C16orf46: variants seen among roughly 807,000 people sequenced by gnomAD.
C16orf46 encodes uncharacterized protein C16orf46.
C16orf46 carries 7 observed loss-of-function variants against 5.5 expected under a neutral mutation model. That is an observed-to-expected ratio of 1.28 (90% CI 0.73 to 2.40). The LOEUF (loss-of-function observed/expected upper bound fraction) is 2.40. Ranked by LOEUF, C16orf46 falls within the 30% of genes most tolerant of loss-of-function variation. C16orf46 has a pLI of 0.00. For synonymous variants in C16orf46, 200 were observed against 184.1 expected (o/e 1.09, Z -0.70); for missense variants, 614 against 476.0 (o/e 1.29, Z -2.70).
downstream of C16orf46, chr16:81,058,030 CAAACA>C (rs57856942): frequency 1.2e-3 from 202 of 173,524 alleles, 1 homozygote; most frequent in African/African-American, 1.8e-3. Flanking sequence ...AACTCCATCT[CAAACA>C]AAACAAAACA....
Position 81,066,315 on chromosome 16 carries a change from A to G in C16orf46, c.-127-34T>C, listed in dbSNP as rs1156341103. Reference sequence around the variant, plus strand: ...AAAGAAATTCAGTTAGTGGATAGGAAAGTTGTATTTTAAGTTTCCCTTCTC... The same window carrying G: ...AAAGAAATTCAGTTAGTGGATAGGAGAGTTGTATTTTAAGTTTCCCTTCTC... On this transcript the variant is annotated intron_variant, in intron 1 of 3. Transcript: ENST00000299578. The G allele has an allele frequency of 5.9e-5, 9 of 152,042 alleles. No homozygotes were observed. In the East Asian group the frequency reaches 1.7e-3, roughly 29 times the overall value. 9.4% of individuals were successfully genotyped at this position (152,042 alleles called of 1,614,324 possible). A position where few individuals can be genotyped will look rare whatever the true frequency, so the allele number is the denominator to read the frequency against.
downstream of C16orf46, among the ~76,000 whole-genome samples, chr16:81,057,610 A>C (rs1298453387): frequency 1.3e-5 from 2 of 151,872 alleles, no homozygotes; most frequent in Non-Finnish European, 2.9e-5. Flanking sequence ...AAAAAAAAAA[A>C]CTAAAATTTC....
At position 81,064,348 on chromosome 16, in the gene C16orf46, G is replaced by C. The variant is rs550159269; in HGVS notation, c.-38-355C>G. On this transcript the variant is annotated intron_variant, in intron 2 of 3. Coordinates refer to ENST00000299578, the MANE Select transcript of C16orf46 (RefSeq NM_152337.3). ...ACTGCACTCCAGCCTGGGTTAGAGAGTGAGATTACATCTCAAAAAAAAAAA... is the reference window on the plus strand; with the variant it reads ...ACTGCACTCCAGCCTGGGTTAGAGACTGAGATTACATCTCAAAAAAAAAAA... Among the ~76,000 whole-genome samples the C allele has an allele frequency of 3.6e-5, 5 of 139,778 alleles. No individual in the cohort carries two copies. In the South Asian group the frequency reaches 9.7e-4, roughly 27 times the overall value. 91.7% of individuals were successfully genotyped at this position (139,778 alleles called of 152,430 possible).
At position 81,064,001 on chromosome 16, in the gene C16orf46, A is replaced by G. The variant is rs753311079; in HGVS notation, c.-38-8T>C. 3 of 1,415,572 alleles carry G rather than the reference A, an allele frequency of 2.1e-6. No homozygotes were observed. Among genetic ancestry groups the G allele is most frequent in the Admixed American group, 4.2e-5 (2 of 47,842 alleles). 87.7% of individuals were successfully genotyped at this position (1,415,572 alleles called of 1,614,324 possible). On this transcript the variant is annotated splice_polypyrimidine_tract_variant and splice_region_variant and intron_variant, in intron 2 of 3. Coordinates refer to ENST00000299578, the MANE Select transcript of C16orf46 (RefSeq NM_152337.3). ...GTTTTTAACATCTTCTTGCTGTTTA[A>G]AAACATGAATGGAACTTCGTTTTTA...
At chr16:81,073,294 C>G (rs975718282) in intron 1 of C16orf46, among the ~76,000 whole-genome samples, 2 of 152,158 alleles carry the variant, frequency 1.3e-5, no homozygotes, top group Non-Finnish European at 2.9e-5. Context: ...AGCTCCATGT[C>G]TTTGGAAGAC....
At chr16:81,071,708 A>G (rs954332013) in intron 1 of C16orf46, among the ~76,000 whole-genome samples, 1 of 152,148 alleles carries the variant, frequency 6.6e-6, no homozygotes, top group Non-Finnish European at 1.5e-5. Context: ...AAATAAGTAA[A>G]TAACCCCAAA....
intron 1 of C16orf46, among the ~76,000 whole-genome samples, chr16:81,075,258 CT>C (rs754239501): frequency 3.3e-4 from 2 of 6,046 alleles, no homozygotes; most frequent in Non-Finnish European, 7.1e-4. Context: ...CTCTCTCTCT[CT>C]TTTTTTTTTA....
At chr16:81,053,900 A>G in exon 4 of C16orf46, 2 of 654,932 alleles carry the variant, frequency 3.1e-6, no homozygotes, top group Non-Finnish European at 5.2e-6. Context: ...GCAGGTGTAA[A>G]TAAGACCTTG....
chr16:81,060,299 A>C (rs1245547087), downstream of C16orf46: 1 of 152,442 alleles, frequency 6.6e-6, no homozygotes, highest in Admixed American at 6.6e-5. Context: ...TCCTGGACAC[A>C]AGCTGGAGTT....
In C16orf46 at chr16:81,061,082, T is replaced by C; in HGVS notation, c.*79A>G. On this transcript the variant is annotated 3_prime_UTR_variant, in exon 4 of 4. Transcript: ENST00000299578. ...AGAGAAAGAGAGAGTGGGGGGTGGG[T>C]GGGAAATGAGAGAGAAGAAAGAGAA... 7.5e-7 allele frequency: 1 copy of C among 1,327,520 alleles called. No individual in the cohort carries two copies. Among genetic ancestry groups the C allele is most frequent in the South Asian group, 1.5e-5 (1 of 65,912 alleles). The allele number at this position is 1,327,520 out of a possible 1,614,324, so 82.2% of individuals were successfully genotyped here.
intron 2 of C16orf46, among the ~76,000 whole-genome samples, chr16:81,065,473 CAAAAAA>C (rs11303086): frequency 1.5e-5 from 1 of 65,386 alleles, no homozygotes; most frequent in Non-Finnish European, 3.2e-5. Context: ...GAATCCGTCT[CAAAAAA>C]AAAAAAAAAA....
At position 81,065,713 on chromosome 16, in the gene C16orf46, GAA is replaced by G. The variant is rs370532661; in HGVS notation, c.-39+478_-39+479del. On this transcript the variant is annotated intron_variant, in intron 2 of 3. Transcript: ENST00000299578. ...TCTCAGCCAGACGTGACCCATGCCAGAAAACTAGTTTTTTTCATTTTTTGTTT... is the reference window on the plus strand; with the variant it reads ...TCTCAGCCAGACGTGACCCATGCCAGAACTAGTTTTTTTCATTTTTTGTTT... Among the ~76,000 whole-genome samples the G allele has an allele frequency of 1.9e-4, 29 of 152,252 alleles. No individual in the cohort carries two copies. The East Asian group carries it at 4.1e-3, about 21-fold the overall frequency.
Position 81,061,796 on chromosome 16 carries a change from C to T in C16orf46, c.553G>A (p.Ala185Thr), listed in dbSNP as rs775171168. The change falls in exon 4 of 4, where the codon GCC becomes ACC. Residue 185 changes from alanine to threonine, a missense_variant. Physicochemically the swap from Ala to Thr is moderately conservative, Grantham distance 58 (BLOSUM62 0). Coordinates refer to ENST00000299578, the MANE Select transcript of C16orf46 (RefSeq NM_152337.3). The stretch of plus-strand genomic sequence containing the variant: ...GCCCCTCCACTGGGATTCCCAGAGG[C>T]CTTGCCCCTATTAGTGCCGGGGATG... ...WAIPGTNRGK[A>T]SGNPSGGAHR... 3.8e-5 allele frequency: 61 copies of T among 1,614,070 alleles called. No homozygotes were observed. The highest frequency in any genetic ancestry group is 2.8e-5 in the Non-Finnish European group (33 of 1,180,046).
chr16:81,059,432 G>A (rs1212444583), downstream of C16orf46, among the ~76,000 whole-genome samples: 2 of 151,558 alleles, frequency 1.3e-5, no homozygotes, highest in Non-Finnish European at 2.9e-5. Flanking sequence ...TCCATCGTTT[G>A]GAGACAGGAA....
intron 1 of C16orf46, 82 bp from the exon 2 acceptor site, chr16:81,066,363 T>C (rs1971654609): frequency 6.6e-6 from 1 of 151,928 alleles, no homozygotes; most frequent in Admixed American, 6.6e-5. Context: ...CAAGTTGTTG[T>C]CTGTCTCGCT....
At chr16:81,059,136 C>A (rs1456728026), downstream of C16orf46, among the ~76,000 whole-genome samples, 1 of 151,614 alleles carries the variant, frequency 6.6e-6, no homozygotes, top group East Asian at 1.9e-4. Flanking sequence ...CTCACTGCAA[C>A]CTCCGGAAAC....
intron 3 of C16orf46, 134 bp downstream of exon 3, chr16:81,063,612 C>G (rs1227104147): frequency 2.7e-6 from 2 of 730,184 alleles, no homozygotes; most frequent in East Asian, 5.3e-5. Context: ...AATATTTTAC[C>G]TCAATTCCAG....
At position 81,053,921 on chromosome 16, in the gene C16orf46, G is replaced by T. The variant is rs1290697688; in HGVS notation, c.*150C>A. Reference sequence around the variant, plus strand: ...GTAAATAAGACCTTGCTCCAAACGTGGCGTCTTCTTACTGCTTCTGCTTGC... The same window carrying T: ...GTAAATAAGACCTTGCTCCAAACGTTGCGTCTTCTTACTGCTTCTGCTTGC... On this transcript the variant is annotated 3_prime_UTR_variant, in exon 4 of 4. Transcript: ENST00000378611. The T allele has an allele frequency of 8.0e-5, 61 of 760,088 alleles. 1 individual carries two copies. Among genetic ancestry groups the T allele is most frequent in the Non-Finnish European group, 1.5e-5 (7 of 458,660 alleles). 47.1% of individuals were successfully genotyped at this position (760,088 alleles called of 1,614,324 possible). A position where few individuals can be genotyped will look rare whatever the true frequency, so the allele number is the denominator to read the frequency against.
At chr16:81,062,188 C>T (rs1971506590) in intron 3 of C16orf46, 50 bp from the exon 4 acceptor site, 3 of 1,463,546 alleles carry the variant, frequency 2.0e-6, no homozygotes, top group East Asian at 4.6e-5. Context: ...CCCAAACTGT[C>T]CTTGCCCCAA....
Sources: allele counts gnomAD v4.1 joint callset (sites outside exome capture counted in the v4.1 genomes callset), GRCh38; gene constraint gnomAD v4.1.1; transcripts MANE v1.5; gene names NCBI Gene and HGNC (gene_info 2026-07-23, HGNC 2026-07-21).